MSX2: variants seen among roughly 807,000 people sequenced by gnomAD.
MSX2 encodes homeobox protein MSX-2.
In MSX2, 10 loss-of-function variants were observed where a neutral mutation model predicts 18.4. The ratio of observed to expected loss-of-function variants is 0.54; its 90% CI spans 0.34 to 0.92. The LOEUF (loss-of-function observed/expected upper bound fraction) is 0.92, where lower values mean the gene tolerates loss of function less well. Among genes scored for constraint, MSX2 ranks in the 40% least tolerant of loss-of-function variants. MSX2 has a pLI of 0.02. For synonymous variants in MSX2, 170 were observed against 165.6 expected (o/e 1.03, Z -0.20); for missense variants, 339 against 364.0 (o/e 0.93, Z 0.56).
At position 174,729,309 on chromosome 5, in the gene MSX2, G is replaced by A; in HGVS notation, c.530G>A (p.Ser177Asn). ...LSIAERAEFSSSLNLTETQVK... is the reference protein window; with the variant it reads ...LSIAERAEFSNSLNLTETQVK... ...ATTGCAGAGCGTGCAGAGTTCTCCAGCTCTCTGAACCTCACAGAGACCCAG... is the reference window on the plus strand; with the variant it reads ...ATTGCAGAGCGTGCAGAGTTCTCCAACTCTCTGAACCTCACAGAGACCCAG... Residue 177 changes from serine to asparagine, a missense_variant, in exon 2 of 2, where the codon AGC becomes AAC. Physicochemically the swap from Ser to Asn is conservative, Grantham distance 46. Around this residue, in one of 2 missense-constraint regions of MSX2, gnomAD observed 128 missense variants for 178.6 expected, o/e 0.72. Transcript: ENST00000239243. 2 of 1,614,154 alleles carry A rather than the reference G, an allele frequency of 1.2e-6. No individual in the cohort carries two copies. Among genetic ancestry groups the A allele is most frequent in the East Asian group, 2.2e-5 (1 of 44,862 alleles).
At chr5:174,726,357 G>A (rs1163308236) in intron 1 of MSX2, among the ~76,000 whole-genome samples, 2 of 152,060 alleles carry the variant, frequency 1.3e-5, no homozygotes, top group South Asian at 2.1e-4. Flanking sequence ...ATACCCAGGC[G>A]TCAGTGGCTG....
intron 1 of MSX2, among the ~76,000 whole-genome samples, chr5:174,725,668 C>G (rs547553729): frequency 6.6e-6 from 1 of 152,248 alleles, no homozygotes; most frequent in South Asian, 2.1e-4. Context: ...CTGTGGTCTC[C>G]GCAGCCAGCA....
intron 1 of MSX2, among the ~76,000 whole-genome samples, chr5:174,728,662 C>G (rs1175848002): frequency 6.6e-6 from 1 of 152,172 alleles, no homozygotes; most frequent in Admixed American, 6.5e-5. Context: ...AACCTGGTCT[C>G]CCATTTTTAA....
In MSX2 at chr5:174,724,714, G is replaced by T; in HGVS notation, c.55G>T (p.Ala19Ser). The part of the protein sequence containing the change: ...DLFSPDEEGP[A>S]VVAGPGPGPG... ...GTTTTCGCCCGACGAGGAGGGCCCA[G>T]CAGTGGTGGCCGGACCAGGCCCGGG... The change falls in exon 1 of 2, where the codon GCA (alanine) becomes TCA (serine). Residue 19 changes from alanine (A) to serine (S), a missense_variant. Transcript: ENST00000239243. The T allele has an allele frequency of 6.3e-7, 1 of 1,594,648 alleles. No homozygotes were observed. The highest frequency in any genetic ancestry group is 8.5e-7 in the Non-Finnish European group (1 of 1,171,544).
chr5:174,725,233 C>T (rs1005376822), intron 1 of MSX2, among the ~76,000 whole-genome samples, 195 bp downstream of exon 1: 1 of 152,180 alleles, frequency 6.6e-6, no homozygotes, highest in African/African-American at 2.4e-5. Context: ...TCCAAGACAC[C>T]CTCTGGGTAA....
At chr5:174,728,517 T>A (rs2113497400) in intron 1 of MSX2, among the ~76,000 whole-genome samples, 1 of 152,348 alleles carries the variant, frequency 6.6e-6, no homozygotes, top group East Asian at 1.9e-4. Flanking sequence ...CCTTCATAAA[T>A]ATGCTGACGC....
chr5:174,728,825 C>A (rs991189424), intron 1 of MSX2, among the ~76,000 whole-genome samples: 1 of 152,082 alleles, frequency 6.6e-6, no homozygotes, highest in Non-Finnish European at 1.5e-5. Flanking sequence ...ATTTCCAAAA[C>A]TTTTCTTAAA....
At chr5:174,725,198 C>A in intron 1 of MSX2, 160 bp downstream of exon 1, 1 of 1,195,900 alleles carries the variant, frequency 8.4e-7, no homozygotes, top group South Asian at 1.6e-5. Context: ...CCGGGGCGTT[C>A]GGCGCGCCCA....
chr5:174,724,610 CG>C lies in MSX2; in HGVS notation c.-47del. The C allele has an allele frequency of 6.4e-7, 1 of 1,554,364 alleles. No homozygotes were observed. Among genetic ancestry groups the C allele is most frequent in the Non-Finnish European group, 8.7e-7 (1 of 1,149,308 alleles). On this transcript the variant is annotated 5_prime_UTR_variant, in exon 1 of 2. Coordinates refer to ENST00000239243, the MANE Select transcript of MSX2 (RefSeq NM_002449.5). The stretch of plus-strand genomic sequence containing the variant: ...GCAAAAAAGTTTGAGTCGCCGCTGC[CG>C]GGTTGCCAGCGGAGTCGCGCGTCGG...
intron 1 of MSX2, 94 bp downstream of exon 1, chr5:174,725,132 C>T (rs1760759247): frequency 2.6e-6 from 4 of 1,515,252 alleles, no homozygotes; most frequent in East Asian, 4.7e-5. Context: ...CGAGACCCTT[C>T]TGCGTGCGCT....
At chr5:174,725,085 A>G (rs1350212003) in intron 1 of MSX2, 47 bp downstream of exon 1, 3 of 1,601,444 alleles carry the variant, frequency 1.9e-6, no homozygotes, top group Non-Finnish European at 2.6e-6. Context: ...GGGGTACTGG[A>G]GGGAGCGGGG....
At chr5:174,727,786 C>A (rs1385947513) in intron 1 of MSX2, among the ~76,000 whole-genome samples, 1 of 152,094 alleles carries the variant, frequency 6.6e-6, no homozygotes, top group African/African-American at 2.4e-5. Flanking sequence ...GGAACAAATC[C>A]ATCTCTTGTT....
Position 174,724,713 on chromosome 5 carries a change from A to T in MSX2, c.54A>T (p.Pro18=). 1 of 1,594,992 alleles carries T rather than the reference A, an allele frequency of 6.3e-7. No individual in the cohort carries two copies. The highest frequency in any genetic ancestry group is 2.3e-5 in the East Asian group (1 of 44,124). ...TGTTTTCGCCCGACGAGGAGGGCCC[A>T]GCAGTGGTGGCCGGACCAGGCCCGG... ...NDLFSPDEEG[P]AVVAGPGPGP... Residue 18 remains proline, a synonymous_variant, in exon 1 of 2, where the codon CCA becomes CCT. Coordinates refer to ENST00000239243, the MANE Select transcript of MSX2 (RefSeq NM_002449.5).
chr5:174,728,989 GTGTGTGTA>G lies in MSX2; in HGVS notation c.380-168_380-161del, dbSNP rs932672070. Among the ~76,000 whole-genome samples, 23 of 146,464 alleles carry G rather than the reference GTGTGTGTA, an allele frequency of 1.6e-4. 1 individual carries two copies. The South Asian group carries it at 2.4e-3, about 16-fold the overall frequency. On this transcript the variant is annotated intron_variant, in intron 1 of 1. Transcript: ENST00000239243. Reference sequence around the variant, plus strand: ...GATATGTGTGTGTGTGTGTGTGTGTGTGTGTGTATATGTATGTATATATAGATTTTTTT... The same window carrying G: ...GATATGTGTGTGTGTGTGTGTGTGTGTATGTATGTATATATAGATTTTTTT...
Position 174,729,821 on chromosome 5 carries a change from G to T in MSX2, c.*238G>T. Reference sequence around the variant, plus strand: ...GCCCCCTTTTCCTTTCACAAAGATTGGCTCTGATGGTTTTTATGTATAAAT... The same window carrying T: ...GCCCCCTTTTCCTTTCACAAAGATTTGCTCTGATGGTTTTTATGTATAAAT... On this transcript the variant is annotated 3_prime_UTR_variant, in exon 2 of 2. Transcript: ENST00000239243. The T allele has an allele frequency of 2.6e-6, 1 of 378,420 alleles. No homozygotes were observed. Among genetic ancestry groups the T allele is most frequent in the Non-Finnish European group, 4.8e-6 (1 of 210,038 alleles). The allele number at this position is 378,420 out of a possible 1,614,324, so 23.4% of individuals were successfully genotyped here. A position where few individuals can be genotyped will look rare whatever the true frequency, so the allele number is the denominator to read the frequency against.
chr5:174,724,861 G>T lies in MSX2; in HGVS notation c.202G>T (p.Glu68Ter). The T allele has an allele frequency of 6.4e-7, 1 of 1,553,944 alleles. No homozygotes were observed. The highest frequency in any genetic ancestry group is 1.2e-5 in the South Asian group (1 of 84,562). The change falls in exon 1 of 2, where the codon GAA (glutamate) becomes TAA (stop). Residue 68 changes from glutamate to a stop codon, truncating the protein, a stop_gained. Transcript: ENST00000239243. LOFTEE classifies it high-confidence loss of function. Reference sequence around the variant, plus strand: ...CAAGGAGGCGTCCCCGCTGCCGGCCGAAAGCGCCTCGGCCGGGGCCACCCT... The same window carrying T: ...CAAGGAGGCGTCCCCGCTGCCGGCCTAAAGCGCCTCGGCCGGGGCCACCCT... Reference protein sequence around the residue: ...PPKEASPLPAESASAGATLRP... With the variant: ...PPKEASPLPA
At position 174,724,634 on chromosome 5, in the gene MSX2, C is replaced by T. The variant is rs777926970; in HGVS notation, c.-26C>T. The T allele has an allele frequency of 2.5e-6, 4 of 1,572,348 alleles. No homozygotes were observed. The highest frequency in any genetic ancestry group is 1.2e-5 in the South Asian group (1 of 86,186). On this transcript the variant is annotated 5_prime_UTR_variant, in exon 1 of 2. Coordinates refer to ENST00000239243, the MANE Select transcript of MSX2 (RefSeq NM_002449.5). ...CCGGGTTGCCAGCGGAGTCGCGCGT[C>T]GGGAGCTACGTAGGGCAGAGAAGTC...
rs59742982 is a variant in MSX2, at chr5:174,728,967, ATGTG to A, written c.380-166_380-163del. Reference sequence around the variant, plus strand: ...AAAGTATGTCTTTCCATACATAGATATGTGTGTGTGTGTGTGTGTGTGTGTGTGT... The same window carrying A: ...AAAGTATGTCTTTCCATACATAGATATGTGTGTGTGTGTGTGTGTGTGTGT... On this transcript the variant is annotated intron_variant, in intron 1 of 1. Transcript: ENST00000239243. Among the ~76,000 whole-genome samples the A allele has an allele frequency of 0.56, 81,986 of 145,300 alleles. 23,245 individuals carry two copies. The highest frequency in any genetic ancestry group is 0.79 in the East Asian group (3,905 of 4,948).
chr5:174,728,420 T>C (rs563555116), intron 1 of MSX2, among the ~76,000 whole-genome samples: 1 of 1,992 alleles, frequency 5.0e-4, no homozygotes, highest in Admixed American at 7.6e-3. Context: ...CTGGATGCAA[T>C]GACAGCTTGT....
Sources: gnomAD v4.1 joint callset for allele counts (sites outside exome capture counted in the v4.1 genomes callset) on GRCh38, gnomAD v4.1.1 for gene constraint, gnomAD v4.1.1 regional missense constraint, MANE v1.5 for transcripts, NCBI Gene and HGNC (gene_info 2026-07-23, HGNC 2026-07-21) for gene names.